COL26A1: variants seen among roughly 807,000 people sequenced by gnomAD.
COL26A1 encodes collagen alpha-1(XXVI) chain.
A neutral mutation model predicts 59.3 loss-of-function variants in COL26A1; 41 were observed. The observed-to-expected ratio is 0.69, with a 90% CI of 0.54 to 0.90. The LOEUF is 0.90. Among genes scored for constraint, COL26A1 ranks in the 40% least tolerant of loss-of-function variants. COL26A1 has a pLI of 0.00. For synonymous variants in COL26A1, 266 were observed against 256.0 expected (o/e 1.04, Z -0.37); for missense variants, 612 against 602.3 (o/e 1.02, Z -0.17).
At chr7:101,484,192 G>T (rs1794219893) in intron 3 of COL26A1, among the ~76,000 whole-genome samples, 2 of 152,000 alleles carry the variant, frequency 1.3e-5, no homozygotes, top group Non-Finnish European at 2.9e-5. Flanking sequence ...CATTCACACT[G>T]TGCCTGGTTC....
chr7:101,492,296 T>A (rs1794477468), intron 3 of COL26A1, among the ~76,000 whole-genome samples: 1 of 152,166 alleles, frequency 6.6e-6, no homozygotes, highest in African/African-American at 2.4e-5. Context: ...GATTTGCCAC[T>A]GTTTCTTGGG....
intron 3 of COL26A1, among the ~76,000 whole-genome samples, chr7:101,505,448 T>G (rs918480012): frequency 2.3e-4 from 32 of 140,860 alleles, no homozygotes; most frequent in African/African-American, 8.3e-4. Context: ...GTGTGTATAC[T>G]TTTTTTTTTG....
intron 1 of COL26A1, among the ~76,000 whole-genome samples, chr7:101,387,628 T>TCA (rs1554404007): frequency 7.4e-6 from 1 of 134,526 alleles, no homozygotes; most frequent in Non-Finnish European, 1.5e-5. Context: ...ATTCTCTCTC[T>TCA]CGCTCTCTCT....
intron 2 of COL26A1, among the ~76,000 whole-genome samples, chr7:101,427,416 C>T (rs1460336201): frequency 6.6e-6 from 1 of 151,748 alleles, no homozygotes; most frequent in Non-Finnish European, 1.5e-5. Context: ...AATCCCAGCA[C>T]TTTGGGAGGC....
chr7:101,483,872 C>T (rs1021379989), intron 3 of COL26A1, among the ~76,000 whole-genome samples: 177 of 152,114 alleles, frequency 1.2e-3, no homozygotes, highest in Non-Finnish European at 2.1e-4. Flanking sequence ...GAAGAGGTTT[C>T]ACTATGTTGG....
intron 2 of COL26A1, among the ~76,000 whole-genome samples, chr7:101,426,950 T>C (rs972251182): frequency 4.6e-5 from 7 of 152,320 alleles, no homozygotes; most frequent in Non-Finnish European, 7.4e-5. Flanking sequence ...TGGTACTCTG[T>C]TGCTTACCAT....
At chr7:101,529,978 C>T (rs1269588281) in intron 3 of COL26A1, among the ~76,000 whole-genome samples, 2 of 152,150 alleles carry the variant, frequency 1.3e-5, no homozygotes, top group Admixed American at 6.6e-5. Context: ...ACCCTCTCCC[C>T]ACCAGTATTA....
At chr7:101,441,890 C>T (rs1048288089) in intron 2 of COL26A1, among the ~76,000 whole-genome samples, 2 of 152,156 alleles carry the variant, frequency 1.3e-5, no homozygotes, top group African/African-American at 4.8e-5. Flanking sequence ...GCACTCACAG[C>T]CTTACACCAG....
intron 3 of COL26A1, among the ~76,000 whole-genome samples, chr7:101,507,206 C>T (rs749763150): frequency 2.0e-5 from 3 of 152,160 alleles, no homozygotes; most frequent in South Asian, 2.1e-4. Flanking sequence ...TGAGCCACCG[C>T]GCCCGGCTTT....
intron 1 of COL26A1, among the ~76,000 whole-genome samples, chr7:101,401,680 T>A (rs1353405778): frequency 1.2e-5 from 1 of 82,244 alleles, no homozygotes; most frequent in Non-Finnish European, 2.5e-5. Flanking sequence ...AAGAAGATGT[T>A]GGAGGCTGAG....
chr7:101,537,964 C>T (rs763369626), intron 4 of COL26A1, among the ~76,000 whole-genome samples: 4 of 152,086 alleles, frequency 2.6e-5, no homozygotes, highest in African/African-American at 9.7e-5. Flanking sequence ...CCCAAGCCTG[C>T]CCCTCTCCCG....
intron 2 of COL26A1, among the ~76,000 whole-genome samples, chr7:101,446,057 A>AAAAAAAAAAAAAAG (rs1793187574): frequency 6.7e-6 from 1 of 149,812 alleles, no homozygotes; most frequent in Admixed American, 6.7e-5. Flanking sequence ...AAAAAAAAAA[A>AAAAAAAAAAAAAAG]AAAAAAAAAA....
chr7:101,489,791 T>G lies in COL26A1; in HGVS notation c.385+42004T>G, dbSNP rs959160943. ...CTTTCTTTCTTTCTTTCTTTCTTTCTTTCTTTCTTTCTTTCTTTCTTTCTT... is the reference window on the plus strand; with the variant it reads ...CTTTCTTTCTTTCTTTCTTTCTTTCGTTCTTTCTTTCTTTCTTTCTTTCTT... On this transcript the variant is annotated intron_variant, in intron 3 of 12. Transcript: ENST00000313669. Among the ~76,000 whole-genome samples, 12 of 1,808 alleles carry G rather than the reference T, an allele frequency of 6.6e-3. 4 individuals carry two copies. Among genetic ancestry groups the G allele is most frequent in the African/African-American group, 9.4e-3 (5 of 532 alleles). 1.2% of individuals were successfully genotyped at this position (1,808 alleles called of 152,430 possible).
At chr7:101,384,761 A>G (rs115953259) in intron 1 of COL26A1, among the ~76,000 whole-genome samples, 2,555 of 152,238 alleles carry the variant, frequency 0.017, 70 homozygotes, top group African/African-American at 0.059. Context: ...GACTCATGCA[A>G]TCACAGGGTG....
intron 2 of COL26A1, among the ~76,000 whole-genome samples, chr7:101,442,041 T>C (rs995608669): frequency 6.6e-6 from 1 of 152,158 alleles, no homozygotes; most frequent in Admixed American, 6.5e-5. Context: ...AGGGCTCCAT[T>C]GATCCCATCG....
rs371371095 is a variant in COL26A1, at chr7:101,534,656, C to T, written c.447+1513C>T. Among the ~76,000 whole-genome samples, 78 of 37,594 alleles carry T rather than the reference C, an allele frequency of 2.1e-3. 2 individuals are homozygous for T. Among genetic ancestry groups the T allele is most frequent in the African/African-American group, 0.011 (44 of 4,058 alleles). 24.7% of individuals were successfully genotyped at this position (37,594 alleles called of 152,430 possible). A position where few individuals can be genotyped will look rare whatever the true frequency, so the allele number is the denominator to read the frequency against. On this transcript the variant is annotated intron_variant, in intron 4 of 12. Coordinates refer to ENST00000313669, the MANE Select transcript of COL26A1 (RefSeq NM_001278563.3). ...ATGTCAATGGGCACACATACATATA[C>T]ACACACACACACACACACACATGAC...
At chr7:101,526,695 A>G (rs1252843094) in intron 3 of COL26A1, among the ~76,000 whole-genome samples, 1 of 152,246 alleles carries the variant, frequency 6.6e-6, no homozygotes, top group Non-Finnish European at 1.5e-5. Context: ...GACCAAAGGC[A>G]GATGGCAGGT....
intron 2 of COL26A1, among the ~76,000 whole-genome samples, chr7:101,437,851 A>G (rs1792953812): frequency 6.6e-6 from 1 of 151,430 alleles, no homozygotes; most frequent in Non-Finnish European, 1.5e-5. Flanking sequence ...CGTGGGGACT[A>G]CAGGCATGCA....
At chr7:101,486,535 G>T (rs551690433) in intron 3 of COL26A1, among the ~76,000 whole-genome samples, 2 of 152,338 alleles carry the variant, frequency 1.3e-5, no homozygotes, top group South Asian at 2.1e-4. Context: ...TGGCCCTGCC[G>T]TCAGCAGCTG....
Sources: allele counts gnomAD v4.1 joint callset (sites outside exome capture counted in the v4.1 genomes callset), GRCh38; gene constraint gnomAD v4.1.1; transcripts MANE v1.5; gene names NCBI Gene and HGNC (gene_info 2026-07-23, HGNC 2026-07-21).